The following ITGA6 variants were observed in gnomAD, a reference collection of about 807,000 sequenced individuals.
ITGA6 encodes integrin alpha-6.
In ITGA6, 63 loss-of-function variants were observed where a neutral mutation model predicts 133.6. The ratio of observed to expected loss-of-function variants is 0.47; its 90% CI spans 0.38 to 0.58. The LOEUF (loss-of-function observed/expected upper bound fraction) is 0.58. Ranked by LOEUF, ITGA6 falls within the 20% of genes least tolerant of loss-of-function variation. The pLI, the probability that ITGA6 is intolerant of heterozygous loss-of-function variation, is 0.00. For synonymous variants in ITGA6, 434 were observed against 482.0 expected, an observed-to-expected ratio of 0.90 and a Z score of 1.30; for missense variants, 1,068 against 1,309.4, an observed-to-expected ratio of 0.82 and a Z score of 2.85.
At chr2:172,454,264 A>G (rs1177391181) in intron 1 of ITGA6, among the ~76,000 whole-genome samples, 2 of 151,906 alleles carry the variant, frequency 1.3e-5, no homozygotes, top group Non-Finnish European at 2.9e-5. Context: ...TTGTATTTTT[A>G]GTAGAGATGG....
intron 24 of ITGA6, among the ~76,000 whole-genome samples, chr2:172,501,518 A>G (rs1282520484): frequency 6.6e-6 from 1 of 152,208 alleles, no homozygotes; most frequent in African/African-American, 2.4e-5. Context: ...TGTCCACAAG[A>G]TTTCTGTTAC....
At chr2:172,503,275 T>TA (rs1687422838) in intron 25 of ITGA6, among the ~76,000 whole-genome samples, 2 of 152,234 alleles carry the variant, frequency 1.3e-5, no homozygotes, top group East Asian at 3.9e-4. Flanking sequence ...TTTTTTCAGA[T>TA]ATATTCTCAG....
chr2:172,446,095 G>A (rs1444563841), intron 1 of ITGA6, among the ~76,000 whole-genome samples: 1 of 152,186 alleles, frequency 6.6e-6, no homozygotes, highest in African/African-American at 2.4e-5. Context: ...AGCACTCTCT[G>A]GCAGAGCTAC....
chr2:172,503,457 TTTTA>T (rs1447841384), intron 25 of ITGA6: 1 of 152,160 alleles, frequency 6.6e-6, no homozygotes, highest in Non-Finnish European at 1.5e-5. Context: ...AGCACATGAT[TTTTA>T]TTGCAGGAAA....
At position 172,467,545 on chromosome 2, in the gene ITGA6, AGGG is replaced by A; in HGVS notation, c.375_377del (p.Gly126del). 6.2e-7 allele frequency: 1 copy of A among 1,613,420 alleles called. No individual in the cohort carries two copies. Among genetic ancestry groups the A allele is most frequent in the Non-Finnish European group, 8.5e-7 (1 of 1,179,478 alleles). On this transcript the variant is annotated inframe_deletion, in exon 3 of 26. Transcript: ENST00000684293. The stretch of plus-strand genomic sequence containing the variant: ...GGGTCACCGTCCAGAGCCAAGGTCC[AGGG>A]GGCAAGGTCGTGGTAAGTGTAGAGA...
At chr2:172,501,485 GT>G (rs1285302682) in intron 24 of ITGA6, among the ~76,000 whole-genome samples, 2 of 152,128 alleles carry the variant, frequency 1.3e-5, no homozygotes, top group Admixed American at 6.5e-5. Context: ...ATGTATATAC[GT>G]TTTCCCTATT....
At chr2:172,478,987 A>G (rs1686301903) in intron 9 of ITGA6, among the ~76,000 whole-genome samples, 1 of 152,190 alleles carries the variant, frequency 6.6e-6, no homozygotes, top group Non-Finnish European at 1.5e-5. Flanking sequence ...TCGTAATTAA[A>G]AATGCACATA....
chr2:172,427,507 A>AAGGAGGGGCGAGAGGGTG (rs1683888465), upstream of ITGA6: 4 of 1,077,350 alleles, frequency 3.7e-6, no homozygotes, highest in Non-Finnish European at 4.5e-6. Flanking sequence ...GCGGGCGCGC[A>AAGGAGGGGCGAGAGGGTG]AGGAGGGGCG....
At chr2:172,477,259 A>G (rs1225233526) in intron 9 of ITGA6, among the ~76,000 whole-genome samples, 1 of 152,194 alleles carries the variant, frequency 6.6e-6, no homozygotes, top group Non-Finnish European at 1.5e-5. Flanking sequence ...ACCTCCCAAA[A>G]TGGTGCGACA....
chr2:172,447,213 TTTTA>T (rs1441990882), intron 1 of ITGA6, among the ~76,000 whole-genome samples: 2 of 151,578 alleles, frequency 1.3e-5, no homozygotes, highest in African/African-American at 4.9e-5. Flanking sequence ...TTATTTTTAT[TTTTA>T]TTTATTTATT....
rs1230629438 is a variant in ITGA6 at position 172,491,572 on chromosome 2, C to T, written c.2988+49C>T. 1 of 1,186,892 alleles carries T rather than the reference C, an allele frequency of 8.4e-7. No individual in the cohort carries two copies. The allele number at this position is 1,186,892 out of a possible 1,614,324, so 73.5% of individuals were successfully genotyped here. ...CAGGTTCAGAACATGTCTCTTTTCC[C>T]TGTACCCCACACTCATGTCCTGAAG... On this transcript the variant is annotated intron_variant, in intron 23 of 25. Transcript: ENST00000684293. The surrounding 1 kb of genome is among the most constrained non-coding windows in gnomAD (Gnocchi z 4.4).
rs1002264331 is a variant in ITGA6, at chr2:172,481,880, G to T, written c.1549+1829G>T. Among the ~76,000 whole-genome samples, 10 of 152,294 alleles carry T rather than the reference G, an allele frequency of 6.6e-5. No individual in the cohort carries two copies. In the East Asian group the frequency reaches 1.9e-3, roughly 29 times the overall value. On this transcript the variant is annotated intron_variant, in intron 11 of 25. Transcript: ENST00000684293. ...CTATCATCCTTTCAGTATCATTTGT[G>T]TTATTTTTACCCAAATGCCATACCT...
chr2:172,477,121 A>G (rs1156980435), intron 9 of ITGA6, among the ~76,000 whole-genome samples: 1 of 151,824 alleles, frequency 6.6e-6, no homozygotes, highest in Non-Finnish European at 1.5e-5. Flanking sequence ...TTTTGCTCCC[A>G]TGATATAAAA....
chr2:172,488,946 C>A (rs760576684), intron 19 of ITGA6, among the ~76,000 whole-genome samples: 5 of 152,196 alleles, frequency 3.3e-5, no homozygotes, highest in Non-Finnish European at 7.3e-5. Flanking sequence ...ACCAAGAGGG[C>A]TCTTACCTCC....
intron 9 of ITGA6, among the ~76,000 whole-genome samples, chr2:172,477,183 T>C (rs1261599253): frequency 6.6e-6 from 1 of 152,290 alleles, no homozygotes; most frequent in African/African-American, 2.4e-5. Context: ...ATTTCCTTAT[T>C]ATAAATTCCT....
At chr2:172,480,354 G>A (rs765597392) in intron 11 of ITGA6, among the ~76,000 whole-genome samples, 1 of 151,792 alleles carries the variant, frequency 6.6e-6, no homozygotes, top group Non-Finnish European at 1.5e-5. Flanking sequence ...GAAAAGCAGT[G>A]TGGAAAATTG....
At position 172,496,546 on chromosome 2, in the gene ITGA6, T is replaced by TTGAA. The variant is rs772226907; in HGVS notation, c.2989-1428_2989-1425dup. Among the ~76,000 whole-genome samples the TTGAA allele has an allele frequency of 9.8e-5, 15 of 152,310 alleles. No homozygotes were observed. The South Asian group carries it at 2.9e-3, about 29-fold the overall frequency. On this transcript the variant is annotated intron_variant, in intron 23 of 25. Coordinates refer to ENST00000684293, the MANE Select transcript of ITGA6 (RefSeq NM_000210.4). ...AGAAAAACACCACCGCATAGAAGTA[T>TTGAA]TGAAGCACAGTGTAGACATAGCAGC... is the stretch of plus-strand genomic sequence containing the variant.
At chr2:172,502,999 G>A (rs1687407741) in intron 25 of ITGA6, among the ~76,000 whole-genome samples, 1 of 151,508 alleles carries the variant, frequency 6.6e-6, no homozygotes, top group South Asian at 2.1e-4. Context: ...ATGAATCCAT[G>A]TAGAAATGAC....
At chr2:172,460,599 T>G (rs948811274) in intron 1 of ITGA6, among the ~76,000 whole-genome samples, 2 of 152,210 alleles carry the variant, frequency 1.3e-5, no homozygotes, top group Non-Finnish European at 2.9e-5. Flanking sequence ...AAGAGGTTTG[T>G]CCGGAGTGTG....
Sources: allele counts gnomAD v4.1 joint callset (sites outside exome capture counted in the v4.1 genomes callset), GRCh38; gene constraint gnomAD v4.1.1; non-coding constraint Gnocchi (gnomAD v3.1); transcripts MANE v1.5; gene names NCBI Gene and HGNC (gene_info 2026-07-23, HGNC 2026-07-21).